The following RAP1GAP variants were observed in gnomAD, a reference collection of about 807,000 sequenced individuals.
The protein encoded by RAP1GAP is RAP1 GTPase activating protein, also known as rap1 GTPase-activating protein 1.
RAP1GAP carries 35 observed loss-of-function variants against 87.2 expected under a neutral mutation model. The observed-to-expected ratio is 0.40, with a 90% CI of 0.31 to 0.53. RAP1GAP has a LOEUF of 0.53. Among genes scored for constraint, RAP1GAP ranks in the 20% least tolerant of loss-of-function variants. The pLI is 0.48. For missense variants in RAP1GAP, 734 were observed against 898.9 expected (o/e 0.82, Z 2.35); for synonymous variants, 375 against 363.9 (o/e 1.03, Z -0.35).
chr1:21,639,986 C>G (rs969926748), intron 2 of RAP1GAP, among the ~76,000 whole-genome samples: 2 of 152,296 alleles, frequency 1.3e-5, no homozygotes, highest in Admixed American at 1.3e-4. Context: ...GGCTTCCCGC[C>G]GCAAGCAGGA....
At position 21,669,135 on chromosome 1, in the gene RAP1GAP, C is replaced by A; in HGVS notation, c.-149+119G>T. The A allele has an allele frequency of 9.1e-7, 1 of 1,101,174 alleles. No individual in the cohort carries two copies. The highest frequency in any genetic ancestry group is 1.1e-6 in the Non-Finnish European group (1 of 875,834). The allele number at this position is 1,101,174 out of a possible 1,614,324, so 68.2% of individuals were successfully genotyped here. ...TGGAGACCCGGGTCCCCCACGCGTT[C>A]GCCCCCACCCTCCGTCCCCGCCCGC... On this transcript the variant is annotated intron_variant, in intron 1 of 24. Coordinates refer to ENST00000374765, the MANE Select transcript of RAP1GAP (RefSeq NM_002885.4). The surrounding 1 kb of genome is among the most constrained non-coding windows in gnomAD (Gnocchi z 5.6).
chr1:21,667,269 G>A (rs1346295412), intron 1 of RAP1GAP, among the ~76,000 whole-genome samples: 1 of 152,230 alleles, frequency 6.6e-6, no homozygotes, highest in Non-Finnish European at 1.5e-5. Context: ...TGGAGGCCCT[G>A]CTGTGGGAGC....
At chr1:21,642,875 TACACACACACACACACAC>T (rs61497285) in intron 2 of RAP1GAP, among the ~76,000 whole-genome samples, 12 of 134,306 alleles carry the variant, frequency 8.9e-5, no homozygotes, top group East Asian at 2.2e-4. Flanking sequence ...CCTTCCCCAC[TACACACACACACACACAC>T]ACACACACAC....
intron 2 of RAP1GAP, among the ~76,000 whole-genome samples, chr1:21,633,516 G>C (rs2094167422): frequency 6.6e-6 from 1 of 152,178 alleles, no homozygotes; most frequent in Non-Finnish European, 1.5e-5. Context: ...AGGCAAGAAG[G>C]CTGGGACCGG....
chr1:21,663,997 C>A (rs973357104), intron 1 of RAP1GAP, among the ~76,000 whole-genome samples: 7 of 152,346 alleles, frequency 4.6e-5, no homozygotes, highest in Middle Eastern at 3.4e-3. Flanking sequence ...GGGAGCTGTA[C>A]TGCAAAGACA....
At chr1:21,620,239 G>C (rs1558725640) in intron 3 of RAP1GAP, among the ~76,000 whole-genome samples, 189 bp from the exon 4 acceptor site, 1 of 152,162 alleles carries the variant, frequency 6.6e-6, no homozygotes, top group Non-Finnish European at 1.5e-5. Flanking sequence ...GGGTCTGGCC[G>C]ATTGCCAAGT....
rs372281992 is a variant in RAP1GAP, at chr1:21,598,415, C to A, written c.1864G>T (p.Gly622Trp). The change falls in exon 22 of 25, where the codon GGG becomes TGG. Residue 622 changes from glycine to tryptophan, a missense_variant. Gly to Trp is a radical substitution (Grantham distance 184, BLOSUM62 -2). Around this residue, in one of 2 missense-constraint regions of RAP1GAP, gnomAD observed 249 missense variants for 252.7 expected, o/e 0.99. Coordinates refer to ENST00000374765, the MANE Select transcript of RAP1GAP (RefSeq NM_002885.4). ...GTCCTGGTACCTGGGGAGCTGCCCC[C>A]ACTAGTGGTGCTGACACTGTCCTCC... ...WLEDSVSTTS[G>W]GSSPGPSRSP... 2.5e-6 allele frequency: 4 copies of A among 1,613,714 alleles called. No individual in the cohort carries two copies. Among genetic ancestry groups the A allele is most frequent in the South Asian group, 1.1e-5 (1 of 91,078 alleles).
intron 3 of RAP1GAP, among the ~76,000 whole-genome samples, chr1:21,621,505 G>A (rs1334006398): frequency 6.6e-6 from 1 of 152,326 alleles, no homozygotes; most frequent in East Asian, 1.9e-4. Flanking sequence ...GGCCCACCTT[G>A]TAAAACCCAC....
Position 21,626,319 on chromosome 1 carries a change from A to G in RAP1GAP, c.-34T>C, listed in dbSNP as rs544306937. ...GGACACTTACCTTAGGGTAGAGTGAAGGAGTATAGGAGGGAACTAAGTTCA... is the reference window on the plus strand; with the variant it reads ...GGACACTTACCTTAGGGTAGAGTGAGGGAGTATAGGAGGGAACTAAGTTCA... On this transcript the variant is annotated 5_prime_UTR_variant, in exon 3 of 25. Transcript: ENST00000374765. The G allele has an allele frequency of 8.1e-6, 13 of 1,608,902 alleles. No homozygotes were observed. Among genetic ancestry groups the G allele is most frequent in the Non-Finnish European group, 1.1e-5 (13 of 1,175,490 alleles).
chr1:21,655,048 G>T (rs561153375), intron 1 of RAP1GAP, among the ~76,000 whole-genome samples: 1 of 151,308 alleles, frequency 6.6e-6, no homozygotes, highest in Admixed American at 6.6e-5. Flanking sequence ...GCTGAGACAG[G>T]AGAATTGCTT....
intron 17 of RAP1GAP, among the ~76,000 whole-genome samples, chr1:21,607,383 C>A (rs1355515657): frequency 6.6e-6 from 1 of 152,204 alleles, no homozygotes; most frequent in Non-Finnish European, 1.5e-5. Flanking sequence ...TTACCCTACT[C>A]AACAGATAAA....
At chr1:21,600,832 C>A (rs537498027) in intron 20 of RAP1GAP, among the ~76,000 whole-genome samples, 1 of 137,638 alleles carries the variant, frequency 7.3e-6, no homozygotes, top group Admixed American at 8.0e-5. Context: ...TTGCAGTGAG[C>A]CGAGATTGTG....
intron 1 of RAP1GAP, among the ~76,000 whole-genome samples, chr1:21,656,195 G>C (rs996531599): frequency 6.6e-6 from 1 of 152,124 alleles, no homozygotes; most frequent in Non-Finnish European, 1.5e-5. Context: ...CATTTTGGGA[G>C]GCTGAGGCAG....
chr1:21,611,877 C>A, intron 11 of RAP1GAP, 61 bp from the exon 12 acceptor site: 2 of 1,540,294 alleles, frequency 1.3e-6, no homozygotes, highest in Non-Finnish European at 1.8e-6. Context: ...GCCCTCTGTC[C>A]CTACTTGGAC....
intron 18 of RAP1GAP, among the ~76,000 whole-genome samples, chr1:21,604,641 G>T (rs2072424325): frequency 6.6e-6 from 1 of 152,082 alleles, no homozygotes; most frequent in East Asian, 1.9e-4. Context: ...GTTGGGGGAG[G>T]TTGGGCCTGC....
chr1:21,625,058 T>C (rs948901158), intron 3 of RAP1GAP, among the ~76,000 whole-genome samples: 5 of 152,196 alleles, frequency 3.3e-5, no homozygotes, highest in African/African-American at 9.6e-5. Flanking sequence ...CATGCCCCAG[T>C]CTTGGGCTGT....
Position 21,613,092 on chromosome 1 carries a change from T to C in RAP1GAP, c.528+84A>G. Reference sequence around the variant, plus strand: ...AATGAGAGAACCTTGGGAAAGTATCTGGCACACAGAAGGTGCTTAATAAAT... The same window carrying C: ...AATGAGAGAACCTTGGGAAAGTATCCGGCACACAGAAGGTGCTTAATAAAT... On this transcript the variant is annotated intron_variant, in intron 10 of 24. Transcript: ENST00000374765. The surrounding 1 kb of genome is among the most constrained non-coding windows in gnomAD (Gnocchi z 4.7). 7.3e-7 allele frequency: 1 copy of C among 1,369,636 alleles called. No homozygotes were observed. Among genetic ancestry groups the C allele is most frequent in the South Asian group, 1.2e-5 (1 of 85,140 alleles). 84.8% of individuals were successfully genotyped at this position (1,369,636 alleles called of 1,614,324 possible). A position where few individuals can be genotyped will look rare whatever the true frequency, so the allele number is the denominator to read the frequency against.
Position 21,603,898 on chromosome 1 carries a change from A to G in RAP1GAP, c.1429-985T>C. Reference sequence around the variant, plus strand: ...GTCCGAATCTACTCGCACTTTTCCCAGGAATAAGCAATGACTGGCAAGCAG... The same window carrying G: ...GTCCGAATCTACTCGCACTTTTCCCGGGAATAAGCAATGACTGGCAAGCAG... On this transcript the variant is annotated intron_variant, in intron 18 of 24. Coordinates refer to ENST00000374765, the MANE Select transcript of RAP1GAP (RefSeq NM_002885.4). This position sits in a 1 kb window ranked among gnomAD's most constrained non-coding sequence, Gnocchi z 6.0. 1 of 1,549,822 alleles carries G rather than the reference A, an allele frequency of 6.5e-7. No homozygotes were observed. The highest frequency in any genetic ancestry group is 8.7e-7 in the Non-Finnish European group (1 of 1,144,110).
Position 21,620,068 on chromosome 1 carries a change from G to T in RAP1GAP, c.-18-18C>A. On this transcript the variant is annotated intron_variant, in intron 3 of 24. Coordinates refer to ENST00000374765, the MANE Select transcript of RAP1GAP (RefSeq NM_002885.4). ...TCTGTGTTCTGCAACAGAGACAGGG[G>T]AGAGCGAGGTCAGCTGATCCCGCCA... is the stretch of plus-strand genomic sequence containing the variant. 1 of 1,613,662 alleles carries T rather than the reference G, an allele frequency of 6.2e-7. No homozygotes were observed. The highest frequency in any genetic ancestry group is 1.1e-5 in the South Asian group (1 of 91,070).
Sources: allele counts gnomAD v4.1 joint callset (sites outside exome capture counted in the v4.1 genomes callset), GRCh38; gene constraint gnomAD v4.1.1; regional missense constraint gnomAD v4.1.1; non-coding constraint Gnocchi (gnomAD v3.1); transcripts MANE v1.5; gene names NCBI Gene and HGNC (gene_info 2026-07-23, HGNC 2026-07-21).